ANLN: variants seen among roughly 807,000 people sequenced by gnomAD.
ANLN encodes anillin.
In ANLN, 59 loss-of-function variants were observed where a neutral mutation model predicts 135.1. The observed-to-expected ratio is 0.44, with a 90% CI of 0.35 to 0.54. The LOEUF (loss-of-function observed/expected upper bound fraction) is 0.54. Among genes scored for constraint, ANLN ranks in the 20% least tolerant of loss-of-function variants. ANLN has a pLI of 0.00. For missense variants in ANLN, 1,182 were observed against 1,340.0 expected (o/e 0.88, Z 1.84); for synonymous variants, 406 against 456.4 (o/e 0.89, Z 1.41).
intron 2 of ANLN, among the ~76,000 whole-genome samples, chr7:36,397,137 C>T (rs568716473): frequency 1.4e-5 from 2 of 145,778 alleles, no homozygotes; most frequent in African/African-American, 4.9e-5. Context: ...TTACAGAGGG[C>T]AAAACCAATG....
At chr7:36,390,945 G>A (rs1786426030) in intron 1 of ANLN, among the ~76,000 whole-genome samples, 1 of 152,190 alleles carries the variant, frequency 6.6e-6, no homozygotes, top group Non-Finnish European at 1.5e-5. Flanking sequence ...GTTTTTGAGT[G>A]TTGCAAAGTG....
intron 4 of ANLN, 30 bp from the exon 5 acceptor site, chr7:36,407,704 T>G (rs769337828): frequency 2.5e-5 from 37 of 1,504,734 alleles, no homozygotes; most frequent in Non-Finnish European, 3.3e-5. Context: ...ATTGTGAATG[T>G]TGTTTACCCT....
At chr7:36,414,679 C>T (rs1232483582) in intron 7 of ANLN, among the ~76,000 whole-genome samples, 2 of 152,106 alleles carry the variant, frequency 1.3e-5, no homozygotes, top group African/African-American at 4.8e-5. Context: ...ACCATTTGAT[C>T]GTTTACTTTG....
At chr7:36,443,215 G>A (rs117637495) in intron 21 of ANLN, among the ~76,000 whole-genome samples, 2 of 152,174 alleles carry the variant, frequency 1.3e-5, no homozygotes, top group African/African-American at 2.4e-5. Flanking sequence ...CGTGTCTCAC[G>A]GCCCAGCAGT....
chr7:36,451,673 C>G (rs1057466169), intron 23 of ANLN, among the ~76,000 whole-genome samples: 8 of 152,134 alleles, frequency 5.3e-5, no homozygotes, highest in Non-Finnish European at 1.2e-4. Context: ...TCATTGACTA[C>G]CAGAAGGTGG....
rs990841235 is a variant in ANLN at position 36,399,535 on chromosome 7, G to A, written c.487+142G>A. On this transcript the variant is annotated intron_variant, in intron 3 of 23. Coordinates refer to ENST00000265748, the MANE Select transcript of ANLN (RefSeq NM_018685.5). ...GTTGAGTATCCTTTGCTTGCATATG[G>A]TTTGTCTACCAGTAGTATAAGTTGG... The A allele has an allele frequency of 5.1e-6, 4 of 782,816 alleles. No individual in the cohort carries two copies. The South Asian group carries it at 6.2e-5, about 12-fold the overall frequency. 48.5% of individuals were successfully genotyped at this position (782,816 alleles called of 1,614,324 possible).
Position 36,411,944 on chromosome 7 carries a change from A to G in ANLN, c.1395+778A>G, listed in dbSNP as rs3801313. On this transcript the variant is annotated intron_variant, in intron 7 of 23. Transcript: ENST00000265748. ...TGATGCTCAGCTCCGTTGTGCTGAT[A>G]TCTCTCCTGAGCTCTAGGTGTGGTT... Among the ~76,000 whole-genome samples, 13 of 152,228 alleles carry G rather than the reference A, an allele frequency of 8.5e-5. No individual in the cohort carries two copies. The East Asian group carries it at 1.9e-3, about 23-fold the overall frequency.
At chr7:36,406,713 G>A (rs955641438) in intron 4 of ANLN, 147 bp downstream of exon 4, 43 of 838,404 alleles carry the variant, frequency 5.1e-5, no homozygotes, top group Admixed American at 9.4e-5. Flanking sequence ...GTAAGATATC[G>A]GTTTCTTAGA....
chr7:36,410,680 C>T lies in ANLN; in HGVS notation c.1263C>T (p.Thr421=), dbSNP rs902059102. 23 of 1,613,778 alleles carry T rather than the reference C, an allele frequency of 1.4e-5. No individual in the cohort carries two copies. Among genetic ancestry groups the T allele is most frequent in the Non-Finnish European group, 1.9e-5 (23 of 1,179,904 alleles). ...AGCAAGACACATCTTCATCTACTAC[C>T]CATTTAGCACAACAGCTCAAGCAGG... is the stretch of plus-strand genomic sequence containing the variant. ...LFKQDTSSST[T]HLAQQLKQER... Residue 421 remains threonine (T), a synonymous_variant, in exon 6 of 24, where the codon ACC becomes ACT. Transcript: ENST00000265748.
chr7:36,397,145 A>G (rs1786738482), intron 2 of ANLN, among the ~76,000 whole-genome samples: 1 of 139,794 alleles, frequency 7.2e-6, no homozygotes. Flanking sequence ...GGCAAAACCA[A>G]TGTTTTTTTA....
rs931103833 is a variant in ANLN at position 36,406,088 on chromosome 7, T to G, written c.488-93T>G. ...TCACTGGTTCTTAAACCTATTAATC[T>G]CATTTAAAAATTCAGCATAGAGTGA... is the stretch of plus-strand genomic sequence containing the variant. On this transcript the variant is annotated intron_variant, in intron 3 of 23. Coordinates refer to ENST00000265748, the MANE Select transcript of ANLN (RefSeq NM_018685.5). 7.1e-5 allele frequency: 87 copies of G among 1,231,036 alleles called. 1 individual carries two copies. Among genetic ancestry groups the G allele is most frequent in the Middle Eastern group, 6.2e-4 (3 of 4,814 alleles). The allele number at this position is 1,231,036 out of a possible 1,614,324, so 76.3% of individuals were successfully genotyped here. A position where few individuals can be genotyped will look rare whatever the true frequency, so the allele number is the denominator to read the frequency against.
chr7:36,449,965 AAC>A (rs1789178796), intron 23 of ANLN, 128 bp downstream of exon 23: 1 of 768,060 alleles, frequency 1.3e-6, no homozygotes, highest in South Asian at 2.5e-5. Flanking sequence ...GAGAAAACAA[AAC>A]ACACACAAAG....
rs1259142204 is a variant in ANLN, at chr7:36,423,825, A to C, written c.2485A>C (p.Asn829His). 6.2e-7 allele frequency: 1 copy of C among 1,609,594 alleles called. No homozygotes were observed. The highest frequency in any genetic ancestry group is 1.3e-5 in the African/African-American group (1 of 74,764). Residue 829 changes from asparagine (N) to histidine (H), a missense_variant, in exon 15 of 24, where the codon AAT becomes CAT. Asn to His is a moderately conservative substitution (Grantham distance 68). Around this residue, in one of 3 missense-constraint regions of ANLN, gnomAD observed 1,022 missense variants for 1,134.0 expected, o/e 0.90. Transcript: ENST00000265748. ...ATGATTACTTCTTACAGATGCAGCA[A>C]ATTACTATTACTTAATTATACTAAA... ...CSTVQKPDAANYYYLIILKAG... is the reference protein window; with the variant it reads ...CSTVQKPDAAHYYYLIILKAG...
In ANLN at chr7:36,394,136, G is replaced by A. The variant is rs1409513104; in HGVS notation, c.19-2130G>A. 2.6e-5 allele frequency among the ~76,000 whole-genome samples: 4 copies of A among 152,138 alleles called. No individual in the cohort carries two copies. In the East Asian group the frequency reaches 5.8e-4, roughly 22 times the overall value. Reference sequence around the variant, plus strand: ...GCCCCACCATGCCTGGCTAACTTTTGTATGTTTTGCAGAGACAGGATCTTG... The same window carrying A: ...GCCCCACCATGCCTGGCTAACTTTTATATGTTTTGCAGAGACAGGATCTTG... On this transcript the variant is annotated intron_variant, in intron 1 of 23. Transcript: ENST00000265748.
intron 20 of ANLN, among the ~76,000 whole-genome samples, chr7:36,433,212 C>T (rs1399728355): frequency 3.9e-5 from 6 of 152,036 alleles, no homozygotes; most frequent in Non-Finnish European, 7.4e-5. Context: ...TTGAGAATTC[C>T]ATCTGAAGTC....
rs557655958 is a variant in ANLN, at chr7:36,444,197, G to A, written c.3078+335G>A. On this transcript the variant is annotated intron_variant, in intron 22 of 23. Coordinates refer to ENST00000265748, the MANE Select transcript of ANLN (RefSeq NM_018685.5). Reference sequence around the variant, plus strand: ...CCCAGCTACTCAGGAGGCTGAGGCAGGAGAATCTCTTGGATCCAGGAGACC... The same window carrying A: ...CCCAGCTACTCAGGAGGCTGAGGCAAGAGAATCTCTTGGATCCAGGAGACC... Among the ~76,000 whole-genome samples, 14 of 152,044 alleles carry A rather than the reference G, an allele frequency of 9.2e-5. No individual in the cohort carries two copies. In the South Asian group the frequency reaches 1.2e-3, roughly 14 times the overall value.
intron 2 of ANLN, among the ~76,000 whole-genome samples, chr7:36,397,278 A>T (rs1195805591): frequency 6.6e-6 from 1 of 152,222 alleles, no homozygotes; most frequent in Non-Finnish European, 1.5e-5. Context: ...GAAATACATT[A>T]CATATTATAT....
At chr7:36,441,078 C>T (rs916474743) in intron 21 of ANLN, among the ~76,000 whole-genome samples, 2 of 152,150 alleles carry the variant, frequency 1.3e-5, no homozygotes, top group African/African-American at 4.8e-5. Flanking sequence ...CAGCAGGTGG[C>T]ACTAGATAGT....
intron 3 of ANLN, among the ~76,000 whole-genome samples, chr7:36,400,441 C>T (rs197364): frequency 0.24 from 36,416 of 152,020 alleles, 5,139 homozygotes; most frequent in South Asian, 0.36. Context: ...CTCATTGCGA[C>T]TTCCGCCTCT....
Sources: allele counts gnomAD v4.1 joint callset (sites outside exome capture counted in the v4.1 genomes callset), GRCh38; gene constraint gnomAD v4.1.1; regional missense constraint gnomAD v4.1.1; transcripts MANE v1.5; gene names NCBI Gene and HGNC (gene_info 2026-07-23, HGNC 2026-07-21).